The following DIS3L variants were observed in gnomAD, a reference collection of about 807,000 sequenced individuals.
The protein encoded by DIS3L is DIS3-like exonuclease 1.
DIS3L carries 100 observed loss-of-function variants against 120.3 expected under a neutral mutation model. The ratio of observed to expected loss-of-function variants is 0.83; its 90% CI spans 0.71 to 0.98. The LOEUF (loss-of-function observed/expected upper bound fraction) is 0.98. Ranked by LOEUF, DIS3L falls within the 50% of genes least tolerant of loss-of-function variation. The pLI, the probability that DIS3L is intolerant of heterozygous loss-of-function variation, is 0.00. For synonymous variants in DIS3L, 426 were observed against 470.6 expected (o/e 0.91, Z 1.23); for missense variants, 1,196 against 1,314.2 (o/e 0.91, Z 1.39).
chr15:66,295,118 T>C lies in DIS3L; in HGVS notation c.270T>C (p.Ala90=). 6.2e-7 allele frequency: 1 copy of C among 1,614,074 alleles called. No individual in the cohort carries two copies. The highest frequency in any genetic ancestry group is 8.5e-7 in the Non-Finnish European group (1 of 1,180,002). Reference sequence around the variant, plus strand: ...TTTTCATGCAGACAGCTTGTCAAGCTGTGCAGCATCAAAGAGGCAGGAGGT... The same window carrying C: ...TTTTCATGCAGACAGCTTGTCAAGCCGTGCAGCATCAAAGAGGCAGGAGGT... The part of the protein sequence containing the change: ...GIIFMQTACQ[A]VQHQRGRRQY... The change falls in exon 2 of 17, where the codon GCT becomes GCC. Residue 90 remains alanine, a synonymous_variant. Coordinates refer to ENST00000319212, the MANE Select transcript of DIS3L (RefSeq NM_001143688.3).
At chr15:66,315,668 T>C (rs549156128) in intron 7 of DIS3L, among the ~76,000 whole-genome samples, 4 of 152,326 alleles carry the variant, frequency 2.6e-5, no homozygotes, top group Non-Finnish European at 5.9e-5. Flanking sequence ...CATCTTAAAA[T>C]CAAACCAAAA....
chr15:66,293,917 G>C (rs1347082363), intron 1 of DIS3L, 182 bp downstream of exon 1: 1 of 999,644 alleles, frequency 1.0e-6, no homozygotes, highest in African/African-American at 1.7e-5. Context: ...AGCGGCCCGG[G>C]TCCGCGGCTT....
In DIS3L at chr15:66,333,198, C is replaced by T. The variant is rs1015983167; in HGVS notation, c.3051C>T (p.Ile1017=). 1.9e-6 allele frequency: 3 copies of T among 1,613,960 alleles called. No individual in the cohort carries two copies. The highest frequency in any genetic ancestry group is 1.7e-6 in the Non-Finnish European group (2 of 1,180,040). The change falls in exon 17 of 17, where the codon ATC becomes ATT. Residue 1017 remains isoleucine, a synonymous_variant. Transcript: ENST00000319212. ...TTGCCCAAGAAGTCAAAGTAAACAT[C>T]ATTCAGGAGGAATATCAAGAATATC... ...AQLAQEVKVN[I]IQEEYQEYRQ...
In DIS3L at chr15:66,329,234, T is replaced by C. The variant is rs761395545; in HGVS notation, c.2370T>C (p.Asp790=). The C allele has an allele frequency of 6.2e-7, 1 of 1,600,572 alleles. No homozygotes were observed. Among genetic ancestry groups the C allele is most frequent in the Non-Finnish European group, 8.5e-7 (1 of 1,174,204 alleles). The change falls in exon 14 of 17, where the codon GAT becomes GAC. Residue 790 remains aspartate, a synonymous_variant. Coordinates refer to ENST00000319212, the MANE Select transcript of DIS3L (RefSeq NM_001143688.3). ...TTCTTTTTGAAGGTCTTGCATTAGATAAATATACCCACTTTACTTCTCCAA... is the reference window on the plus strand; with the variant it reads ...TTCTTTTTGAAGGTCTTGCATTAGACAAATATACCCACTTTACTTCTCCAA... ...EEFHHYGLAL[D]KYTHFTSPIR...
chr15:66,314,342 C>T (rs1191446619), intron 6 of DIS3L, among the ~76,000 whole-genome samples: 1 of 152,138 alleles, frequency 6.6e-6, no homozygotes, highest in African/African-American at 2.4e-5. Context: ...AGCAAAGTAA[C>T]TTGCCCAAGG....
In DIS3L at chr15:66,322,791, T is replaced by G. The variant is rs779358661; in HGVS notation, c.1431T>G (p.Ile477Met). 33 of 1,614,080 alleles carry G rather than the reference T, an allele frequency of 2.0e-5. No homozygotes were observed. Among genetic ancestry groups the G allele is most frequent in the Non-Finnish European group, 2.8e-5 (33 of 1,180,044 alleles). ...DLRKSHLVFS[I>M]DPKGCEDVDD... ...GGAAAAGCCATCTCGTATTCAGCATTGACCCCAAAGGTTGTGAAGATGTGG... is the reference window on the plus strand; with the variant it reads ...GGAAAAGCCATCTCGTATTCAGCATGGACCCCAAAGGTTGTGAAGATGTGG... The change falls in exon 10 of 17, where the codon ATT becomes ATG. Residue 477 changes from isoleucine (I) to methionine (M), a missense_variant. Transcript: ENST00000319212.
At chr15:66,293,424 TA>T, upstream of DIS3L, 1 of 1,178,168 alleles carries the variant, frequency 8.5e-7, no homozygotes, top group South Asian at 3.7e-5. Flanking sequence ...GGGAAGAAAC[TA>T]AGGCCGGGAG....
intron 7 of DIS3L, among the ~76,000 whole-genome samples, chr15:66,315,465 T>G (rs151270188): frequency 1.6e-3 from 250 of 152,322 alleles, no homozygotes; most frequent in African/African-American, 5.9e-3. Flanking sequence ...AACCTCACTA[T>G]GTGATGAAAA....
chr15:66,327,403 C>T (rs534318256), intron 12 of DIS3L, among the ~76,000 whole-genome samples: 1 of 152,312 alleles, frequency 6.6e-6, no homozygotes, highest in South Asian at 2.1e-4. Flanking sequence ...ATACCACCCT[C>T]AATTGAGTGA....
chr15:66,317,408 A>C (rs1001414822), intron 7 of DIS3L, among the ~76,000 whole-genome samples: 2 of 151,972 alleles, frequency 1.3e-5, no homozygotes, highest in African/African-American at 4.8e-5. Context: ...TCTCGGCTTC[A>C]GTCAGTGATG....
rs1358833510 is a variant in DIS3L, at chr15:66,329,132, A to G, written c.2356+8A>G. 3.1e-6 allele frequency: 5 copies of G among 1,608,256 alleles called. No individual in the cohort carries two copies. The Admixed American group carries it at 6.8e-5, about 22-fold the overall frequency. On this transcript the variant is annotated splice_region_variant and intron_variant, in intron 13 of 16. Transcript: ENST00000319212. ...AGGAGTTCCATCATTACGGTGAATC[A>G]TACCATATTCCTATGTGTGGCTGTA...
intron 12 of DIS3L, 34 bp from the exon 13 acceptor site, chr15:66,328,936 G>C (rs1244067579): frequency 2.5e-6 from 4 of 1,601,436 alleles, no homozygotes; most frequent in Non-Finnish European, 8.5e-7. Flanking sequence ...ATTACTGTCT[G>C]GGACTAGCTA....
chr15:66,306,838 T>C lies in DIS3L; in HGVS notation c.308T>C (p.Leu103Pro). The C allele has an allele frequency of 6.2e-7, 1 of 1,614,176 alleles. No individual in the cohort carries two copies. The highest frequency in any genetic ancestry group is 8.5e-7 in the Non-Finnish European group (1 of 1,180,002). ...CCGTGTCACAGACAGTATAACAAAC[T>C]GCGAAACCTGCTGAAGGATGCGCGT... ...HQRGRRQYNK[L>P]RNLLKDARHD... is the part of the protein sequence containing the mutation. The change falls in exon 3 of 17, where the codon CTG (leucine) becomes CCG (proline). Residue 103 changes from leucine (L) to proline (P), a missense_variant. Transcript: ENST00000319212.
At chr15:66,330,002 T>A in intron 14 of DIS3L, 2 of 985,268 alleles carry the variant, frequency 2.0e-6, no homozygotes, top group Non-Finnish European at 2.4e-6. Context: ...CTGCTAACAT[T>A]TTTATTTATA....
At chr15:66,306,974 G>A in intron 3 of DIS3L, 22 bp downstream of exon 3, 1 of 1,612,246 alleles carries the variant, frequency 6.2e-7, no homozygotes. Context: ...ACTTGCTGCT[G>A]TTTTCACACT....
chr15:66,322,555 C>G, intron 9 of DIS3L, 132 bp from the exon 10 acceptor site: 2 of 1,388,220 alleles, frequency 1.4e-6, no homozygotes, highest in Non-Finnish European at 2.0e-6. Context: ...TCAAAGGAAG[C>G]CAACATAGGT....
intron 2 of DIS3L, among the ~76,000 whole-genome samples, chr15:66,303,761 CTG>C (rs2092671524): frequency 6.6e-6 from 1 of 152,090 alleles, no homozygotes; most frequent in Non-Finnish European, 1.5e-5. Context: ...CATTACCGAA[CTG>C]TGTAAGGCAG....
intron 1 of DIS3L, 90 bp from the exon 2 acceptor site, chr15:66,294,895 GGAA>G (rs1421076097): frequency 7.7e-7 from 1 of 1,300,258 alleles, no homozygotes; most frequent in Non-Finnish European, 1.0e-6. Context: ...AGTTAAGACT[GGAA>G]GTTATTTTGC....
At chr15:66,308,913 T>C in intron 4 of DIS3L, 69 bp downstream of exon 4, 3 of 1,490,368 alleles carry the variant, frequency 2.0e-6, no homozygotes, top group Middle Eastern at 1.8e-4. Context: ...TCTAGATCCC[T>C]TTGGTAACAC....
Sources: allele counts gnomAD v4.1 joint callset (sites outside exome capture counted in the v4.1 genomes callset), GRCh38; gene constraint gnomAD v4.1.1; transcripts MANE v1.5; gene names NCBI Gene and HGNC (gene_info 2026-07-23, HGNC 2026-07-21).